Variants in DGKB observed in about 807,000 individuals in gnomAD.
DGKB encodes the protein 90 kDa diacylglycerol kinase.
Under a neutral mutation model 114.3 loss-of-function variants are expected in DGKB, and 67 were observed. That is an observed-to-expected ratio of 0.59 (90% confidence interval 0.48 to 0.72). The LOEUF is 0.72. DGKB is among the 30% of genes least tolerant of loss of function. The pLI is 0.00. For missense variants in DGKB, 907 were observed against 975.2 expected (o/e 0.93, Z 0.93); for synonymous variants, 398 against 323.1 (o/e 1.23, Z -2.49).
At chr7:14,457,258 A>G (rs1303515927) in intron 21 of DGKB, among the ~76,000 whole-genome samples, 1 of 152,134 alleles carries the variant, frequency 6.6e-6, no homozygotes, top group African/African-American at 2.4e-5. Flanking sequence ...TTATTAAGTA[A>G]TTACCTAAAA....
At chr7:14,973,695 A>G (rs1230694463) in intron 1 of DGKB, among the ~76,000 whole-genome samples, 1 of 150,250 alleles carries the variant, frequency 6.7e-6, no homozygotes, top group African/African-American at 2.4e-5. Flanking sequence ...CTAAGAAATT[A>G]TAAGACATCA....
chr7:14,374,197 T>C (rs2128661601), intron 21 of DGKB, among the ~76,000 whole-genome samples: 1 of 152,290 alleles, frequency 6.6e-6, no homozygotes, highest in East Asian at 1.9e-4. Flanking sequence ...TGACTCATAC[T>C]TGATGACCTA....
At chr7:14,385,436 C>T (rs1820172688) in intron 21 of DGKB, among the ~76,000 whole-genome samples, 1 of 152,162 alleles carries the variant, frequency 6.6e-6, no homozygotes, top group Non-Finnish European at 1.5e-5. Context: ...GAGAAGATAT[C>T]ATGGCAGAAT....
intron 14 of DGKB, among the ~76,000 whole-genome samples, chr7:14,628,859 C>G (rs1185675247): frequency 1.3e-5 from 2 of 151,600 alleles, no homozygotes; most frequent in African/African-American, 4.8e-5. Flanking sequence ...TTAATGTAAA[C>G]CAATATATAG....
intron 23 of DGKB, among the ~76,000 whole-genome samples, chr7:14,246,295 A>G (rs998386463): frequency 8.5e-5 from 13 of 152,288 alleles, no homozygotes; most frequent in African/African-American, 2.6e-4. Flanking sequence ...CTGTAACAGG[A>G]CTTTATGTTA....
intron 13 of DGKB, among the ~76,000 whole-genome samples, chr7:14,641,067 T>C (rs1302914230): frequency 6.6e-6 from 1 of 152,146 alleles, no homozygotes; most frequent in African/African-American, 2.4e-5. Flanking sequence ...TTTGGGAGCT[T>C]TTATGCCATA....
Position 14,607,436 on chromosome 7 carries a change from TG to T in DGKB, c.1430del (p.Pro477GlnfsTer3). On this transcript the variant is annotated frameshift_variant, in exon 17 of 26. Transcript: ENST00000402815. LOFTEE classifies it high-confidence loss of function. ...VYSLSGNGPM[P>X]GLNFFRDVPD... is the part of the protein sequence containing the mutation. Reference sequence around the variant, plus strand: ...AATAATATTATCCTTGGACTTACCCTGGCATTGGTCCATTTCCAGAAAGACT... The same window carrying T: ...AATAATATTATCCTTGGACTTACCCTGCATTGGTCCATTTCCAGAAAGACT... The T allele has an allele frequency of 6.6e-7, 1 of 1,511,242 alleles. No homozygotes were observed. The highest frequency in any genetic ancestry group is 9.2e-7 in the Non-Finnish European group (1 of 1,089,052). The allele number at this position is 1,511,242 out of a possible 1,614,324, so 93.6% of individuals were successfully genotyped here. A position where few individuals can be genotyped will look rare whatever the true frequency, so the allele number is the denominator to read the frequency against.
At chr7:14,245,560 A>T (rs1794346945) in intron 23 of DGKB, among the ~76,000 whole-genome samples, 1 of 152,146 alleles carries the variant, frequency 6.6e-6, no homozygotes, top group Non-Finnish European at 1.5e-5. Context: ...TATAATGGGT[A>T]AGAGTGCTTC....
intron 21 of DGKB, among the ~76,000 whole-genome samples, chr7:14,465,636 T>G (rs1284156598): frequency 2.0e-5 from 3 of 152,154 alleles, no homozygotes; most frequent in Non-Finnish European, 4.4e-5. Context: ...CTCATTACAC[T>G]GATTAGAAAA....
intron 17 of DGKB, among the ~76,000 whole-genome samples, chr7:14,602,742 G>C (rs1022920982): frequency 2.6e-5 from 4 of 152,124 alleles, no homozygotes; most frequent in African/African-American, 9.7e-5. Context: ...AATTTATGTT[G>C]TTTGTAATTA....
At chr7:14,484,411 G>T (rs1783457126) in intron 20 of DGKB, among the ~76,000 whole-genome samples, 1 of 152,186 alleles carries the variant, frequency 6.6e-6, no homozygotes, top group South Asian at 2.1e-4. Context: ...CATGGGGGCA[G>T]ATTTCTTATG....
chr7:14,367,565 G>C (rs965610367), intron 21 of DGKB, among the ~76,000 whole-genome samples: 2 of 151,982 alleles, frequency 1.3e-5, no homozygotes, highest in East Asian at 1.9e-4. Context: ...TCTCAGGTAT[G>C]TCTTTATTAG....
At chr7:14,878,610 G>A (rs925379356) in intron 1 of DGKB, among the ~76,000 whole-genome samples, 5 of 151,662 alleles carry the variant, frequency 3.3e-5, no homozygotes, top group Non-Finnish European at 5.9e-5. Context: ...TTAGCTGGGC[G>A]TAGTGGCGGG....
At chr7:14,622,148 C>A (rs142769017) in intron 14 of DGKB, among the ~76,000 whole-genome samples, 54 of 152,256 alleles carry the variant, frequency 3.5e-4, no homozygotes, top group African/African-American at 1.2e-3. Context: ...AGTTTCACAT[C>A]TAATGATCAG....
chr7:14,499,980 G>A (rs1785894767), intron 20 of DGKB, among the ~76,000 whole-genome samples: 1 of 151,830 alleles, frequency 6.6e-6, no homozygotes, highest in Non-Finnish European at 1.5e-5. Flanking sequence ...AACTTCAAAT[G>A]TTAGAAATTC....
chr7:14,335,092 A>G (rs1179922572), intron 23 of DGKB, among the ~76,000 whole-genome samples: 1 of 152,210 alleles, frequency 6.6e-6, no homozygotes, highest in East Asian at 1.9e-4. Context: ...AGTCAACAGT[A>G]AAATTTCCAA....
At chr7:14,783,573 T>G (rs911395670) in intron 2 of DGKB, among the ~76,000 whole-genome samples, 2 of 152,248 alleles carry the variant, frequency 1.3e-5, no homozygotes, top group African/African-American at 4.8e-5. Flanking sequence ...GGAGTGGTTA[T>G]GTATGGTCAT....
At chr7:14,207,120 T>C (rs1786956413) in intron 23 of DGKB, among the ~76,000 whole-genome samples, 1 of 152,034 alleles carries the variant, frequency 6.6e-6, no homozygotes, top group Admixed American at 6.6e-5. Flanking sequence ...GTTTCAGGAA[T>C]AGGAACCCTG....
intron 23 of DGKB, among the ~76,000 whole-genome samples, chr7:14,220,437 A>G (rs978245246): frequency 1.3e-5 from 2 of 151,516 alleles, no homozygotes; most frequent in Non-Finnish European, 3.0e-5. Context: ...CCACAGATAC[A>G]TGCATTTATT....
Sources: gnomAD v4.1 joint callset for allele counts (sites outside exome capture counted in the v4.1 genomes callset) on GRCh38, gnomAD v4.1.1 for gene constraint, MANE v1.5 for transcripts, NCBI Gene and HGNC (gene_info 2026-07-23, HGNC 2026-07-21) for gene names.